The following DIAPH3 variants were observed in gnomAD, a reference collection of about 807,000 sequenced individuals.
DIAPH3 encodes diaphanous related formin 3, also known as protein diaphanous homolog 3.
DIAPH3 carries 117 observed loss-of-function variants against 144.3 expected under a neutral mutation model. The observed-to-expected ratio is 0.81, with a 90% CI of 0.70 to 0.95. The LOEUF is 0.95. Among genes scored for constraint, DIAPH3 ranks in the 40% least tolerant of loss-of-function variants. The probability of loss-of-function intolerance (pLI) is 0.00; values close to 1 mark genes in which losing one functional copy is unlikely to be tolerated. For synonymous variants in DIAPH3, 519 were observed against 488.9 expected, an observed-to-expected ratio of 1.06 and a Z score of -0.81; for missense variants, 1,421 against 1,412.7, an observed-to-expected ratio of 1.01 and a Z score of -0.09.
chr13:60,137,070 ATGTTTCTCAAATACTAATTCTAT>A (rs2059304208), intron 1 of DIAPH3, among the ~76,000 whole-genome samples: 1 of 152,210 alleles, frequency 6.6e-6, no homozygotes, highest in Non-Finnish European at 1.5e-5. Flanking sequence ...CTCTGGTCCT[ATGTTTCTCAAATACTAATTCTAT>A]TTTCTCCCTA....
chr13:60,003,554 G>T (rs1041875034), intron 9 of DIAPH3, among the ~76,000 whole-genome samples: 6 of 149,300 alleles, frequency 4.0e-5, no homozygotes, highest in African/African-American at 9.8e-5. Context: ...TCTATATATA[G>T]ATAGATAGAT....
chr13:60,095,316 C>T (rs2058073889), intron 3 of DIAPH3, among the ~76,000 whole-genome samples: 1 of 152,170 alleles, frequency 6.6e-6, no homozygotes, highest in Non-Finnish European at 1.5e-5. Flanking sequence ...AATGGTGCTG[C>T]TCCTTGCAGA....
intron 27 of DIAPH3, among the ~76,000 whole-genome samples, chr13:59,712,291 G>A (rs1001147259): frequency 6.6e-6 from 1 of 152,130 alleles, no homozygotes; most frequent in African/African-American, 2.4e-5. Flanking sequence ...CTGCAGACAT[G>A]GTCTTTCAAA....
intron 5 of DIAPH3, among the ~76,000 whole-genome samples, chr13:60,036,125 T>C (rs2055190050): frequency 6.6e-6 from 1 of 152,194 alleles, no homozygotes; most frequent in Non-Finnish European, 1.5e-5. Flanking sequence ...ACTCTTCTAT[T>C]CCCTTGGGAC....
chr13:59,714,923 CAA>C (rs2034971850), intron 27 of DIAPH3, among the ~76,000 whole-genome samples: 1 of 151,874 alleles, frequency 6.6e-6, no homozygotes, highest in Non-Finnish European at 1.5e-5. Flanking sequence ...CCAAAAAAAC[CAA>C]AAAAGTCACC....
chr13:60,029,007 T>C (rs775637902), intron 5 of DIAPH3, among the ~76,000 whole-genome samples: 2 of 150,970 alleles, frequency 1.3e-5, no homozygotes, highest in Non-Finnish European at 2.9e-5. Flanking sequence ...TGCAGTGAGC[T>C]GAGATCGTGC....
chr13:60,153,889 G>GT (rs1309964515), intron 1 of DIAPH3, among the ~76,000 whole-genome samples: 2 of 151,402 alleles, frequency 1.3e-5, no homozygotes, highest in East Asian at 1.9e-4. Flanking sequence ...TCCTTTATAC[G>GT]TTTTTTTGTA....
At chr13:59,905,984 A>G (rs1253908497) in intron 20 of DIAPH3, among the ~76,000 whole-genome samples, 14 of 152,196 alleles carry the variant, frequency 9.2e-5, no homozygotes, top group Admixed American at 9.2e-4. Context: ...GCAACAGGAA[A>G]CTAATATAGT....
chr13:59,869,625 T>A (rs2044135665), intron 21 of DIAPH3, among the ~76,000 whole-genome samples: 2 of 152,220 alleles, frequency 1.3e-5, no homozygotes, highest in African/African-American at 4.8e-5. Context: ...GGAAAGGCCA[T>A]CTTTTGCATG....
chr13:59,880,978 CAAAAAAA>C lies in DIAPH3; in HGVS notation c.2368-1517_2368-1511del, dbSNP rs77481523. Among the ~76,000 whole-genome samples the C allele has an allele frequency of 6.2e-5, 4 of 64,802 alleles. No individual in the cohort carries two copies. The South Asian group carries it at 2.2e-3, about 36-fold the overall frequency. The allele number at this position is 64,802 out of a possible 152,430, so 42.5% of individuals were successfully genotyped here. A position where few individuals can be genotyped will look rare whatever the true frequency, so the allele number is the denominator to read the frequency against. On this transcript the variant is annotated intron_variant, in intron 20 of 27. Transcript: ENST00000400324. ...CAAAGAATGTAAGTTCAACAAGGAC[CAAAAAAA>C]AAAAAAAAAAAAGAAGAAGAAGAAA...
At chr13:59,931,597 T>C (rs2048021126) in intron 17 of DIAPH3, among the ~76,000 whole-genome samples, 1 of 152,198 alleles carries the variant, frequency 6.6e-6, no homozygotes, top group African/African-American at 2.4e-5. Flanking sequence ...AGCACCAGGA[T>C]TAAAGCCTGG....
At chr13:59,840,737 A>C (rs2042294829) in intron 22 of DIAPH3, among the ~76,000 whole-genome samples, 3 of 152,202 alleles carry the variant, frequency 2.0e-5, no homozygotes, top group Middle Eastern at 6.8e-3. Flanking sequence ...TTGTGCTTGA[A>C]GAGTGATGGT....
chr13:60,122,232 G>A (rs2138152323), intron 2 of DIAPH3, among the ~76,000 whole-genome samples: 1 of 152,180 alleles, frequency 6.6e-6, no homozygotes, highest in African/African-American at 2.4e-5. Context: ...TCCTAAACAT[G>A]TACAGGTTGT....
At chr13:59,988,770 AATTATCTCCCATGCGC>A (rs1325834343) in intron 12 of DIAPH3, among the ~76,000 whole-genome samples, 1 of 151,890 alleles carries the variant, frequency 6.6e-6, no homozygotes, top group African/African-American at 2.4e-5. Context: ...AAATATCAGA[AATTATCTCCCATGCGC>A]ATTTAACTAG....
At chr13:60,078,699 TTTTA>T (rs1214033877) in intron 4 of DIAPH3, among the ~76,000 whole-genome samples, 1 of 151,940 alleles carries the variant, frequency 6.6e-6, no homozygotes, top group Non-Finnish European at 1.5e-5. Flanking sequence ...TAATACATTA[TTTTA>T]TTTATATTTT....
chr13:59,867,642 A>G (rs990809628), intron 21 of DIAPH3, among the ~76,000 whole-genome samples: 1 of 152,142 alleles, frequency 6.6e-6, no homozygotes, highest in African/African-American at 2.4e-5. Flanking sequence ...CTCTTGAATT[A>G]CAGTGAGTGT....
chr13:59,854,556 T>A (rs977694805), intron 22 of DIAPH3, among the ~76,000 whole-genome samples: 1 of 152,152 alleles, frequency 6.6e-6, no homozygotes, highest in Non-Finnish European at 1.5e-5. Context: ...TGCTTAGGTT[T>A]CTTTGTAGTA....
At chr13:60,044,034 G>A (rs1468529971) in intron 4 of DIAPH3, among the ~76,000 whole-genome samples, 5 of 152,138 alleles carry the variant, frequency 3.3e-5, no homozygotes, top group Non-Finnish European at 7.4e-5. Flanking sequence ...TGCTGTGATG[G>A]AGGGAACTGT....
chr13:59,744,937 G>A (rs942884729), intron 27 of DIAPH3, among the ~76,000 whole-genome samples: 8 of 152,124 alleles, frequency 5.3e-5, no homozygotes, highest in Admixed American at 2.0e-4. Flanking sequence ...AACACTCAGG[G>A]AGAGAATGCT....
Sources: allele counts gnomAD v4.1 joint callset (sites outside exome capture counted in the v4.1 genomes callset), GRCh38; gene constraint gnomAD v4.1.1; transcripts MANE v1.5; gene names NCBI Gene and HGNC (gene_info 2026-07-23, HGNC 2026-07-21).